The following CDC14B variants were observed in gnomAD, a reference collection of about 807,000 sequenced individuals.
CDC14B encodes cell division cycle 14B, also known as dual specificity protein phosphatase CDC14B.
In CDC14B, 22 loss-of-function variants were observed where a neutral mutation model predicts 64.2. That is an observed-to-expected ratio of 0.34 (90% CI 0.24 to 0.49). The LOEUF (loss-of-function observed/expected upper bound fraction) is 0.49, where lower values mean the gene tolerates loss of function less well. Ranked by LOEUF, CDC14B falls within the 20% of genes least tolerant of loss-of-function variation. CDC14B has a pLI of 0.99. For missense variants in CDC14B, 498 were observed against 629.9 expected (o/e 0.79, Z 2.24); for synonymous variants, 191 against 215.8 (o/e 0.89, Z 1.01).
chr9:96,534,358 T>C, intron 8 of CDC14B, 97 bp downstream of exon 8: 1 of 898,688 alleles, frequency 1.1e-6, no homozygotes, highest in East Asian at 2.5e-5. Context: ...TAAATAATAA[T>C]TAACACTTGG....
chr9:96,610,596 G>T (rs934026530), intron 1 of CDC14B, among the ~76,000 whole-genome samples: 2 of 150,612 alleles, frequency 1.3e-5, no homozygotes, highest in Admixed American at 6.6e-5. Context: ...CAGTAAATAG[G>T]ATATAAATCT....
chr9:96,594,366 A>G (rs1845945565), intron 1 of CDC14B, among the ~76,000 whole-genome samples: 1 of 152,206 alleles, frequency 6.6e-6, no homozygotes, highest in African/African-American at 2.4e-5. Flanking sequence ...CAAAGGGTCC[A>G]AAGTATCCAA....
intron 13 of CDC14B, among the ~76,000 whole-genome samples, chr9:96,506,139 A>C (rs10119967): frequency 0.18 from 27,177 of 152,074 alleles, 2,488 homozygotes; most frequent in Non-Finnish European, 0.2. Flanking sequence ...GAACTGGTAA[A>C]CCTGCTACGT....
At chr9:96,580,643 T>C (rs927614435) in intron 1 of CDC14B, among the ~76,000 whole-genome samples, 1 of 152,188 alleles carries the variant, frequency 6.6e-6, no homozygotes, top group Non-Finnish European at 1.5e-5. Flanking sequence ...AATCCCTCTA[T>C]TGAAATCGAC....
chr9:96,581,535 A>G lies in CDC14B; in HGVS notation c.161-16052T>C, dbSNP rs138309496. 2.8e-3 allele frequency among the ~76,000 whole-genome samples: 419 copies of G among 152,054 alleles called. 5 individuals are homozygous for G. Among genetic ancestry groups the G allele is most frequent in the African/African-American group, 9.5e-3 (395 of 41,450 alleles). ...TAATTTAAAAATTAAAAAATTAAAA[A>G]AAGACAACAGAAAAATGCCCCTCCC... On this transcript the variant is annotated intron_variant, in intron 1 of 13. Coordinates refer to ENST00000375241, the MANE Select transcript of CDC14B (RefSeq NM_033331.4).
chr9:96,578,702 C>T (rs989826795), intron 1 of CDC14B, among the ~76,000 whole-genome samples: 5 of 152,184 alleles, frequency 3.3e-5, no homozygotes, highest in Non-Finnish European at 7.3e-5. Context: ...GGTGACTAGG[C>T]AGATGACAAC....
intron 5 of CDC14B, among the ~76,000 whole-genome samples, chr9:96,543,181 G>T (rs3991219): frequency 6.6e-6 from 1 of 151,494 alleles, no homozygotes; most frequent in Non-Finnish European, 1.5e-5. Context: ...CTAAAAATAC[G>T]AAAAATGAGC....
rs539919148 is a variant in CDC14B at position 96,540,570 on chromosome 9, A to C, written c.564+1256T>G. 3.9e-5 allele frequency among the ~76,000 whole-genome samples: 6 copies of C among 152,198 alleles called. No individual in the cohort carries two copies. In the East Asian group the frequency reaches 1.2e-3, roughly 29 times the overall value. ...CAAATGGCAATCTTTGACCTATCGT[A>C]CCAGCTAATTGACTTTGGGTGCAAT... On this transcript the variant is annotated intron_variant, in intron 6 of 13. Transcript: ENST00000375241.
intron 3 of CDC14B, 57 bp from the exon 4 acceptor site, chr9:96,562,842 T>A: frequency 8.8e-7 from 1 of 1,130,624 alleles, no homozygotes; most frequent in East Asian, 2.4e-5. Context: ...TCTTCCACAA[T>A]TTCATTTTGT....
intron 1 of CDC14B, among the ~76,000 whole-genome samples, chr9:96,572,553 A>G (rs955560733): frequency 2.0e-5 from 3 of 152,220 alleles, no homozygotes; most frequent in Non-Finnish European, 4.4e-5. Context: ...ACAACCTAAG[A>G]GATAAAAAAT....
Position 96,523,683 on chromosome 9 carries a change from A to G in CDC14B, c.989T>C (p.Met330Thr), listed in dbSNP as rs1489805735. The G allele has an allele frequency of 1.9e-6, 3 of 1,614,046 alleles. No individual in the cohort carries two copies. Among genetic ancestry groups the G allele is most frequent in the Non-Finnish European group, 2.5e-6 (3 of 1,180,022 alleles). Residue 330 changes from methionine to threonine, a missense_variant, in exon 10 of 14, where the codon ATG becomes ACG. By Grantham distance (81) the Met-to-Thr change is moderately conservative. Transcript: ENST00000375241. ...GGCTGCTGTCATCCTGTAATGCTTC[A>G]TGATGTAGCAGGCTATCAGAGTGCC... ...RTGTLIACYI[M>T]KHYRMTAAET...
At chr9:96,542,834 C>A (rs1840261994) in intron 5 of CDC14B, among the ~76,000 whole-genome samples, 1 of 151,576 alleles carries the variant, frequency 6.6e-6, no homozygotes, top group South Asian at 2.1e-4. Context: ...GATGATGAAA[C>A]CCTGTCTCTA....
chr9:96,562,448 A>G, intron 4 of CDC14B: 1 of 426,044 alleles, frequency 2.3e-6, no homozygotes, highest in South Asian at 4.4e-5. Flanking sequence ...AAAAAAATAT[A>G]GGCTTTTTTC....
rs1469594339 is a variant in CDC14B, at chr9:96,553,862, A to C, written c.421-1990T>G. 2.0e-5 allele frequency among the ~76,000 whole-genome samples: 3 copies of C among 152,268 alleles called. No homozygotes were observed. The East Asian group carries it at 5.8e-4, about 29-fold the overall frequency. Reference sequence around the variant, plus strand: ...AGACTTCCTAGCAGATTAAAAAAAAACAAAAAACAAAACCTAAAACCGGAA... The same window carrying C: ...AGACTTCCTAGCAGATTAAAAAAAACCAAAAAACAAAACCTAAAACCGGAA... On this transcript the variant is annotated intron_variant, in intron 4 of 13. Coordinates refer to ENST00000375241, the MANE Select transcript of CDC14B (RefSeq NM_033331.4).
rs78270905 is a variant in CDC14B at position 96,582,085 on chromosome 9, G to A, written c.161-16602C>T. The stretch of plus-strand genomic sequence containing the variant: ...CTCCTGTTTTACGACAAAGGGCCCT[G>A]AAACTTAAGTCACTGGAAAAAACCT... On this transcript the variant is annotated intron_variant, in intron 1 of 13. Transcript: ENST00000375241. 5.9e-3 allele frequency among the ~76,000 whole-genome samples: 900 copies of A among 152,196 alleles called. 10 individuals carry two copies. Among genetic ancestry groups the A allele is most frequent in the Middle Eastern group, 0.014 (4 of 294 alleles).
intron 1 of CDC14B, among the ~76,000 whole-genome samples, chr9:96,569,963 C>T (rs934585590): frequency 3.0e-4 from 46 of 152,278 alleles, no homozygotes; most frequent in African/African-American, 1.1e-3. Flanking sequence ...CCATGTATCC[C>T]CCCATTGATG....
intron 1 of CDC14B, among the ~76,000 whole-genome samples, chr9:96,590,364 T>A (rs1452065268): frequency 6.6e-6 from 1 of 152,238 alleles, no homozygotes; most frequent in Non-Finnish European, 1.5e-5. Flanking sequence ...GTTAGATACA[T>A]ACCAGATTTT....
chr9:96,618,900 G>C (rs1333790855), intron 1 of CDC14B, among the ~76,000 whole-genome samples: 1 of 152,244 alleles, frequency 6.6e-6, no homozygotes, highest in Non-Finnish European at 1.5e-5. Context: ...CAGCCCGCGG[G>C]GAGGAGCTGC....
At chr9:96,514,989 G>A (rs757924170) in intron 12 of CDC14B, 39 of 930,752 alleles carry the variant, frequency 4.2e-5, no homozygotes, top group Non-Finnish European at 4.9e-5. Context: ...CCATCATATG[G>A]AAATGCACCA....
Sources: gnomAD v4.1 joint callset for allele counts (sites outside exome capture counted in the v4.1 genomes callset) on GRCh38, gnomAD v4.1.1 for gene constraint, MANE v1.5 for transcripts, NCBI Gene and HGNC (gene_info 2026-07-23, HGNC 2026-07-21) for gene names.